The following CARMIL1 variants were observed in gnomAD, a reference collection of about 807,000 sequenced individuals.
CARMIL1 encodes capping protein regulator and myosin 1 linker 1.
A neutral mutation model predicts 177.1 loss-of-function variants in CARMIL1; 90 were observed. The ratio of observed to expected loss-of-function variants is 0.51; its 90% CI spans 0.43 to 0.61. The LOEUF (loss-of-function observed/expected upper bound fraction) is 0.61. CARMIL1 is among the 20% of genes least tolerant of loss of function. The pLI, the probability that CARMIL1 is intolerant of heterozygous loss-of-function variation, is 0.00. For synonymous variants in CARMIL1, 577 were observed against 606.2 expected (o/e 0.95, Z 0.71); for missense variants, 1,380 against 1,667.0 (o/e 0.83, Z 3.00).
intron 2 of CARMIL1, among the ~76,000 whole-genome samples, chr6:25,411,801 A>T (rs528294982): frequency 1.3e-5 from 2 of 152,222 alleles, no homozygotes; most frequent in African/African-American, 4.8e-5. Flanking sequence ...TTGACCGCCT[A>T]TTGAAGAAGC....
chr6:25,573,582 C>A (rs1271273730), intron 29 of CARMIL1, among the ~76,000 whole-genome samples: 5 of 116,492 alleles, frequency 4.3e-5, no homozygotes, highest in African/African-American at 1.3e-4. Context: ...GGAGGGTTTA[C>A]CTCTAAGCAA....
chr6:25,510,237 C>A (rs1805339097), intron 18 of CARMIL1, among the ~76,000 whole-genome samples: 1 of 152,152 alleles, frequency 6.6e-6, no homozygotes. Flanking sequence ...TGCCATTATT[C>A]ATTCCCATTT....
At chr6:25,399,790 C>T (rs192261437) in intron 2 of CARMIL1, among the ~76,000 whole-genome samples, 21 of 152,188 alleles carry the variant, frequency 1.4e-4, no homozygotes, top group African/African-American at 3.6e-4. Context: ...ATATTTAGCT[C>T]GGCCTTTCAG....
intron 3 of CARMIL1, among the ~76,000 whole-genome samples, chr6:25,424,396 C>T (rs1167415700): frequency 6.6e-6 from 1 of 152,102 alleles, no homozygotes; most frequent in Non-Finnish European, 1.5e-5. Flanking sequence ...CTTAATTGAC[C>T]TCCAACTAAT....
intron 5 of CARMIL1, among the ~76,000 whole-genome samples, chr6:25,443,397 A>T (rs768027666): frequency 2.0e-5 from 3 of 152,200 alleles, no homozygotes; most frequent in Non-Finnish European, 4.4e-5. Context: ...AATGGTTCTT[A>T]ATTACAGGTT....
chr6:25,378,993 G>T (rs1426125844), intron 2 of CARMIL1, among the ~76,000 whole-genome samples: 1 of 151,956 alleles, frequency 6.6e-6, no homozygotes, highest in Non-Finnish European at 1.5e-5. Flanking sequence ...CAGACTCCTG[G>T]CTCAGTCATT....
rs1333001651 is a variant in CARMIL1 at position 25,604,907 on chromosome 6, T to C, written c.3634+14T>C. ...GAGGTGGGGCAGGTAAGTCAGGCCA[T>C]TGCCATCACCCCCTTAGGAAAAGCG... On this transcript the variant is annotated intron_variant, in intron 34 of 36. Transcript: ENST00000329474. 1.9e-6 allele frequency: 3 copies of C among 1,578,268 alleles called. No individual in the cohort carries two copies. Among genetic ancestry groups the C allele is most frequent in the African/African-American group, 2.7e-5 (2 of 74,096 alleles).
chr6:25,451,134 A>G (rs866528383), intron 8 of CARMIL1, among the ~76,000 whole-genome samples: 1 of 150,886 alleles, frequency 6.6e-6, no homozygotes, highest in Non-Finnish European at 1.5e-5. Flanking sequence ...TTGCCTTTCA[A>G]GTTATAGTTT....
intron 2 of CARMIL1, among the ~76,000 whole-genome samples, chr6:25,390,561 A>G (rs1229040349): frequency 1.3e-5 from 2 of 151,918 alleles, no homozygotes; most frequent in Non-Finnish European, 2.9e-5. Context: ...GGCTCAAGCA[A>G]TCTGCCTGCC....
intron 2 of CARMIL1, among the ~76,000 whole-genome samples, chr6:25,409,068 G>A (rs1255220250): frequency 6.6e-6 from 1 of 152,178 alleles, no homozygotes; most frequent in Non-Finnish European, 1.5e-5. Flanking sequence ...TGGATTCAAA[G>A]CCCATTCTTC....
intron 24 of CARMIL1, 22 bp downstream of exon 24, chr6:25,528,915 A>G (rs1040808380): frequency 8.3e-6 from 13 of 1,573,244 alleles, no homozygotes; most frequent in Admixed American, 1.8e-5. Flanking sequence ...AGTGCCTGTG[A>G]CTTCTCCTTC....
chr6:25,545,816 G>A (rs1809397164), intron 26 of CARMIL1, among the ~76,000 whole-genome samples: 1 of 152,104 alleles, frequency 6.6e-6, no homozygotes, highest in Admixed American at 6.6e-5. Context: ...TCAAAGAGGA[G>A]GACATAATTT....
intron 8 of CARMIL1, among the ~76,000 whole-genome samples, chr6:25,459,272 T>TCTTTC (rs1477339182): frequency 2.1e-4 from 29 of 134,938 alleles, no homozygotes; most frequent in South Asian, 4.9e-4. Context: ...CTTTCTTTTT[T>TCTTTC]TTTTTTTTAA....
At position 25,619,712 on chromosome 6, in the gene CARMIL1, G is replaced by GC; in HGVS notation, c.*134dup. 1 of 526,176 alleles carries GC rather than the reference G, an allele frequency of 1.9e-6. No individual in the cohort carries two copies. Among genetic ancestry groups the GC allele is most frequent in the Non-Finnish European group, 2.7e-6 (1 of 372,716 alleles). 32.6% of individuals were successfully genotyped at this position (526,176 alleles called of 1,614,324 possible). A position where few individuals can be genotyped will look rare whatever the true frequency, so the allele number is the denominator to read the frequency against. On this transcript the variant is annotated 3_prime_UTR_variant, in exon 37 of 37. Coordinates refer to ENST00000329474, the MANE Select transcript of CARMIL1 (RefSeq NM_017640.6). The stretch of plus-strand genomic sequence containing the variant: ...TTATTCTCTTCTTTTTCTTTATTTC[G>GC]CCCCCACCCCCATCCCCTGCCTTTT...
intron 4 of CARMIL1, among the ~76,000 whole-genome samples, chr6:25,429,683 G>A (rs1294647861): frequency 2.0e-5 from 3 of 152,018 alleles, no homozygotes; most frequent in Non-Finnish European, 4.4e-5. Context: ...TCAGGAATTA[G>A]TGTTGGATTT....
chr6:25,520,371 T>C, intron 23 of CARMIL1, 34 bp downstream of exon 23: 1 of 1,159,126 alleles, frequency 8.6e-7, no homozygotes, highest in South Asian at 1.4e-5. Flanking sequence ...TTACAAGAAA[T>C]TCACATTTGA....
chr6:25,563,433 C>G (rs1295157789), intron 29 of CARMIL1: 1 of 985,214 alleles, frequency 1.0e-6, no homozygotes, highest in Non-Finnish European at 1.2e-6. Flanking sequence ...TGTGAGAGAA[C>G]CTGCCTAAAG....
chr6:25,579,148 T>G (rs1812884062), intron 29 of CARMIL1, among the ~76,000 whole-genome samples: 2 of 150,090 alleles, frequency 1.3e-5, no homozygotes. Context: ...AATATAATTT[T>G]TATATATTTT....
At chr6:25,322,509 TAC>T (rs1026595154) in intron 2 of CARMIL1, among the ~76,000 whole-genome samples, 30 of 152,264 alleles carry the variant, frequency 2.0e-4, no homozygotes, top group African/African-American at 6.5e-4. Flanking sequence ...TGCACATACA[TAC>T]ACACACACAA....
Sources: allele counts gnomAD v4.1 joint callset (sites outside exome capture counted in the v4.1 genomes callset), GRCh38; gene constraint gnomAD v4.1.1; transcripts MANE v1.5; gene names NCBI Gene and HGNC (gene_info 2026-07-23, HGNC 2026-07-21).